The following KDM8 variants were observed in gnomAD, a reference collection of about 807,000 sequenced individuals.
The protein encoded by KDM8 is bifunctional peptidase and arginyl-hydroxylase JMJD5.
KDM8 carries 35 observed loss-of-function variants against 46.9 expected under a neutral mutation model. The ratio of observed to expected loss-of-function variants is 0.75; its 90% confidence interval spans 0.57 to 0.99. The LOEUF is 0.99. Among genes scored for constraint, KDM8 ranks in the 50% least tolerant of loss-of-function variants. KDM8 has a pLI of 0.00. For missense variants in KDM8, 475 were observed against 537.0 expected, an observed-to-expected ratio of 0.88 and a Z score of 1.14; for synonymous variants, 232 against 227.7, an observed-to-expected ratio of 1.02 and a Z score of -0.17.
chr16:27,215,201 TTTTTA>T (rs2083537222), intron 4 of KDM8, among the ~76,000 whole-genome samples, 193 bp downstream of exon 4: 2 of 152,202 alleles, frequency 1.3e-5, no homozygotes, highest in Non-Finnish European at 2.9e-5. Flanking sequence ...TGTCAGGTCC[TTTTTA>T]ATGGGCAGGG....
chr16:27,221,652 G>A lies in KDM8; in HGVS notation c.*922G>A, dbSNP rs2083630048. On this transcript the variant is annotated 3_prime_UTR_variant, in exon 8 of 8. Coordinates refer to ENST00000286096, the MANE Select transcript of KDM8 (RefSeq NM_024773.3). The stretch of plus-strand genomic sequence containing the variant: ...GGGAGAGCCAGGCTCTATGCTTTCT[G>A]TAATTGTGTCTCGTTTGTGTGCACG... The A allele has an allele frequency of 6.6e-6, 1 of 152,246 alleles. No homozygotes were observed. The highest frequency in any genetic ancestry group is 2.4e-5 in the African/African-American group (1 of 41,438). The allele number at this position is 152,246 out of a possible 1,614,324, so 9.4% of individuals were successfully genotyped here.
chr16:27,212,247 A>C (rs563150853), intron 2 of KDM8, among the ~76,000 whole-genome samples: 3 of 121,954 alleles, frequency 2.5e-5, no homozygotes, highest in East Asian at 3.9e-4. Flanking sequence ...AAAATAAAAG[A>C]GAGAGATGCA....
At chr16:27,206,384 T>G in intron 1 of KDM8, 1 of 167,668 alleles carries the variant, frequency 6.0e-6, no homozygotes, top group Non-Finnish European at 1.2e-5. Context: ...GCAATTCTCC[T>G]ACCTCAGCCT....
At chr16:27,213,019 C>G (rs1275405370) in intron 2 of KDM8, among the ~76,000 whole-genome samples, 2 of 152,148 alleles carry the variant, frequency 1.3e-5, no homozygotes, top group African/African-American at 4.8e-5. Flanking sequence ...CCTGTGGACA[C>G]TGAGGTTCTC....
chr16:27,220,301 G>T, intron 6 of KDM8, 92 bp from the exon 7 acceptor site: 2 of 1,009,812 alleles, frequency 2.0e-6, no homozygotes. Context: ...TGGGCCCAGG[G>T]AGCAGCATGT....
chr16:27,210,502 C>A lies in KDM8; in HGVS notation c.379C>A (p.Leu127Met). 1 of 1,566,888 alleles carries A rather than the reference C, an allele frequency of 6.4e-7. No individual in the cohort carries two copies. The change falls in exon 2 of 8, where the codon CTG becomes ATG. Residue 127 changes from leucine (L) to methionine (M), a missense_variant. Transcript: ENST00000286096. ...AGCCCTGCGGGTCTGTGACATGGGCCTGCTGATGGGGGCAGCCATCCTGGG... is the reference window on the plus strand; with the variant it reads ...AGCCCTGCGGGTCTGTGACATGGGCATGCTGATGGGGGCAGCCATCCTGGG... Reference protein sequence around the residue: ...AAALRVCDMGLLMGAAILGDI... With the variant: ...AAALRVCDMGMLMGAAILGDI...
chr16:27,209,955 C>T, intron 1 of KDM8, 138 bp from the exon 2 acceptor site: 1 of 874,450 alleles, frequency 1.1e-6, no homozygotes, highest in Non-Finnish European at 1.7e-6. Flanking sequence ...GATGAGGGCC[C>T]TCCCCTCCAG....
chr16:27,210,849 A>G (rs934239843), intron 2 of KDM8, among the ~76,000 whole-genome samples: 7 of 149,822 alleles, frequency 4.7e-5, no homozygotes, highest in Admixed American at 3.3e-4. Flanking sequence ...TGCAGCCTCC[A>G]CTTCCTGGAC....
intron 1 of KDM8, among the ~76,000 whole-genome samples, chr16:27,205,023 C>CT (rs1209597252): frequency 6.6e-6 from 1 of 152,096 alleles, no homozygotes; most frequent in South Asian, 2.1e-4. Flanking sequence ...GAGACTCCGT[C>CT]TCAAAAAAAA....
At chr16:27,211,252 C>T in intron 2 of KDM8, 1 of 443,722 alleles carries the variant, frequency 2.3e-6, no homozygotes, top group Non-Finnish European at 4.5e-6. Context: ...CAGCCCGTTT[C>T]TTTCAGCTTC....
intron 1 of KDM8, chr16:27,203,958 C>A (rs965477945): frequency 4.8e-6 from 3 of 630,730 alleles, no homozygotes; most frequent in South Asian, 2.1e-5. Context: ...TTCTTGGCGT[C>A]GCGTTGGTGT....
rs749840337 is a variant in KDM8 at position 27,213,638 on chromosome 16, C to T, written c.552C>T (p.Val184=). The T allele has an allele frequency of 1.2e-6, 2 of 1,614,154 alleles. No homozygotes were observed. The highest frequency in any genetic ancestry group is 1.1e-5 in the South Asian group (1 of 91,080). ...LIPDVKLEKT[V]PRLHRPSLQH... ...CAGATGTGAAGTTAGAAAAAACAGT[C>T]CCCCGGCTGCACCGTCCGTCCCTCC... The change falls in exon 3 of 8, where the codon GTC becomes GTT. Residue 184 remains valine (V), a synonymous_variant. Transcript: ENST00000286096.
chr16:27,213,309 T>G, intron 2 of KDM8: 1 of 324,496 alleles, frequency 3.1e-6, no homozygotes, highest in Non-Finnish European at 5.7e-6. Context: ...ATGGTGAAGT[T>G]GGAGATAGTA....
chr16:27,206,021 T>C (rs867227444), intron 1 of KDM8, among the ~76,000 whole-genome samples: 1 of 152,210 alleles, frequency 6.6e-6, no homozygotes, highest in African/African-American at 2.4e-5. Context: ...TTTTTACTGA[T>C]GCAGACATAA....
At position 27,220,557 on chromosome 16, in the gene KDM8, T is replaced by C; in HGVS notation, c.1087-9T>C. The C allele has an allele frequency of 6.2e-7, 1 of 1,614,206 alleles. No homozygotes were observed. The highest frequency in any genetic ancestry group is 8.5e-7 in the Non-Finnish European group (1 of 1,180,034). The stretch of plus-strand genomic sequence containing the variant: ...CCCTGGAGATGATGACGTCCTTTGC[T>C]TTCTTCAGGTTGACGTGGAGAATCC... On this transcript the variant is annotated splice_polypyrimidine_tract_variant and intron_variant, in intron 7 of 7. Transcript: ENST00000286096.
Position 27,213,856 on chromosome 16 carries a change from T to A in KDM8, c.665+105T>A, listed in dbSNP as rs566930084. The A allele has an allele frequency of 3.4e-4, 384 of 1,138,512 alleles. 5 individuals carry two copies. In the South Asian group the frequency reaches 5.4e-3, roughly 16 times the overall value. The allele number at this position is 1,138,512 out of a possible 1,614,324, so 70.5% of individuals were successfully genotyped here. A position where few individuals can be genotyped will look rare whatever the true frequency, so the allele number is the denominator to read the frequency against. On this transcript the variant is annotated intron_variant, in intron 3 of 7. Transcript: ENST00000286096. ...CCCCAGGGAAATGCAACCTTGTAGATGCTTCACTAGCAGCCCTTGACTGAT... is the reference window on the plus strand; with the variant it reads ...CCCCAGGGAAATGCAACCTTGTAGAAGCTTCACTAGCAGCCCTTGACTGAT...
intron 1 of KDM8, among the ~76,000 whole-genome samples, chr16:27,207,804 C>T (rs771507406): frequency 5.9e-5 from 9 of 152,072 alleles, no homozygotes; most frequent in Admixed American, 2.0e-4. Flanking sequence ...AGGCTGGTCT[C>T]GAATTCTTGG....
chr16:27,214,505 G>A, intron 3 of KDM8: 1 of 219,544 alleles, frequency 4.6e-6, no homozygotes, highest in East Asian at 9.3e-5. Flanking sequence ...CCAGGCTAGA[G>A]GGCAGAGTCC....
At chr16:27,204,952 G>T (rs1200500579) in intron 1 of KDM8, among the ~76,000 whole-genome samples, 1 of 152,138 alleles carries the variant, frequency 6.6e-6, no homozygotes. Context: ...CTTGAACCTG[G>T]GAAGCGGAGG....
Sources: gnomAD v4.1 joint callset for allele counts (sites outside exome capture counted in the v4.1 genomes callset) on GRCh38, gnomAD v4.1.1 for gene constraint, MANE v1.5 for transcripts, NCBI Gene and HGNC (gene_info 2026-07-23, HGNC 2026-07-21) for gene names.